The following ITPRID1 variants were observed in gnomAD, a reference collection of about 807,000 sequenced individuals.
The protein encoded by ITPRID1 is protein ITPRID1.
Under a neutral mutation model 95.4 loss-of-function variants are expected in ITPRID1, and 96 were observed. The observed-to-expected ratio is 1.01, with a 90% CI of 0.85 to 1.19. The LOEUF is 1.19. Ranked by LOEUF, ITPRID1 falls within the 50% of genes most tolerant of loss-of-function variation. The pLI is 0.00. For synonymous variants in ITPRID1, 510 were observed against 453.6 expected (o/e 1.12, Z -1.58); for missense variants, 1,339 against 1,252.9 (o/e 1.07, Z -1.04).
At position 31,578,279 on chromosome 7, in the gene ITPRID1, T is replaced by C. The variant is rs760836286; in HGVS notation, c.1015T>C (p.Cys339Arg). 6.2e-7 allele frequency: 1 copy of C among 1,613,908 alleles called. No individual in the cohort carries two copies. Among genetic ancestry groups the C allele is most frequent in the South Asian group, 1.1e-5 (1 of 91,080 alleles). ...TGGTCTTCTGAGCAAGCAGTGGCCT[T>C]GCTCATCTATGCCGGCCAAGCAGGC... ...PHGLLSKQWPCSSMPAKQAPP... is the reference protein window; with the variant it reads ...PHGLLSKQWPRSSMPAKQAPP... Residue 339 changes from cysteine (C) to arginine (R), a missense_variant, in exon 9 of 15, where the codon TGC becomes CGC. Physicochemically the swap from Cys to Arg is radical, Grantham distance 180. Coordinates refer to ENST00000615280, the MANE Select transcript of ITPRID1 (RefSeq NM_001257967.3).
chr7:31,548,696 T>C (rs1784181811), intron 1 of ITPRID1, among the ~76,000 whole-genome samples: 1 of 152,128 alleles, frequency 6.6e-6, no homozygotes, highest in South Asian at 2.1e-4. Flanking sequence ...CCTGTGGTCA[T>C]CCAGGGGAAG....
chr7:31,632,717 C>G (rs1489643264), intron 10 of ITPRID1, among the ~76,000 whole-genome samples: 2 of 152,080 alleles, frequency 1.3e-5, no homozygotes, highest in Non-Finnish European at 1.5e-5. Context: ...CCATGTTGGT[C>G]AGACCGTCAT....
rs565166465 is a variant in ITPRID1, at chr7:31,519,929, T to G, written c.-98+5809T>G. On this transcript the variant is annotated intron_variant, in intron 1 of 14. Transcript: ENST00000615280. ...TACATTATTATTAACTAAGTCCGCC[T>G]TTATTTAAACATTTTTAAGTTTTTA... 1.5e-3 allele frequency among the ~76,000 whole-genome samples: 227 copies of G among 152,076 alleles called. 1 individual carries two copies. Among genetic ancestry groups the G allele is most frequent in the Non-Finnish European group, 2.8e-3 (192 of 67,944 alleles).
chr7:31,559,541 C>G (rs550002227), intron 5 of ITPRID1, among the ~76,000 whole-genome samples: 222 of 152,096 alleles, frequency 1.5e-3, no homozygotes, highest in South Asian at 2.5e-3. Flanking sequence ...GGTGCACACC[C>G]GTAGTCCCAG....
intron 1 of ITPRID1, among the ~76,000 whole-genome samples, chr7:31,539,948 G>A (rs9690373): frequency 0.58 from 88,309 of 151,862 alleles, 26,772 homozygotes; most frequent in Middle Eastern, 0.71. Flanking sequence ...GTTATTTATG[G>A]TTTATGGTCA....
chr7:31,647,725 C>T (rs902599886), intron 12 of ITPRID1, among the ~76,000 whole-genome samples: 8 of 145,670 alleles, frequency 5.5e-5, no homozygotes, highest in Non-Finnish European at 9.0e-5. Context: ...ATGACGACAA[C>T]GACGACGACA....
At chr7:31,519,620 C>CTCTCTCTCTCTCTCTCTATATATATA in intron 1 of ITPRID1, among the ~76,000 whole-genome samples, 5 of 25,268 alleles carry the variant, frequency 2.0e-4, no homozygotes, top group East Asian at 3.0e-3. Context: ...CTCTCTCTCT[C>CTCTCTCTCTCTCTCTCTATATATATA]TATATATATA....
chr7:31,658,262 C>A (rs1363972884), downstream of ITPRID1: 1 of 1,493,484 alleles, frequency 6.7e-7, no homozygotes, highest in African/African-American at 1.4e-5. Flanking sequence ...AACACATATT[C>A]TCTTATAGGT....
At chr7:31,516,622 T>G (rs1261096236) in intron 1 of ITPRID1, among the ~76,000 whole-genome samples, 1 of 143,554 alleles carries the variant, frequency 7.0e-6, no homozygotes, top group African/African-American at 2.5e-5. Context: ...TGCCAAAGCT[T>G]ATAAACTTAA....
At chr7:31,606,693 C>G (rs1385957515) in intron 10 of ITPRID1, among the ~76,000 whole-genome samples, 1 of 152,004 alleles carries the variant, frequency 6.6e-6, no homozygotes, top group African/African-American at 2.4e-5. Context: ...ATTATATCAA[C>G]TGGAGTTTTC....
chr7:31,595,204 C>T (rs1342977107), intron 10 of ITPRID1, among the ~76,000 whole-genome samples: 1 of 151,486 alleles, frequency 6.6e-6, no homozygotes, highest in Non-Finnish European at 1.5e-5. Context: ...GCCACCACAC[C>T]CAGCTAATTT....
At chr7:31,636,098 C>G (rs894221977) in intron 10 of ITPRID1, among the ~76,000 whole-genome samples, 1 of 152,084 alleles carries the variant, frequency 6.6e-6, no homozygotes, top group Non-Finnish European at 1.5e-5. Flanking sequence ...ATAAAACCAT[C>G]AGATCTCATG....
At chr7:31,644,829 A>G (rs996566773) in intron 12 of ITPRID1, among the ~76,000 whole-genome samples, 1 of 152,228 alleles carries the variant, frequency 6.6e-6, no homozygotes, top group African/African-American at 2.4e-5. Context: ...GCTGGCACAG[A>G]GAATATAGGT....
chr7:31,639,111 T>C (rs1439363391), intron 10 of ITPRID1, among the ~76,000 whole-genome samples: 1 of 152,168 alleles, frequency 6.6e-6, no homozygotes, highest in Non-Finnish European at 1.5e-5. Flanking sequence ...GGTGTAGTTT[T>C]CTTCATGTTT....
chr7:31,555,225 C>G (rs1353941596), intron 5 of ITPRID1: 2 of 193,926 alleles, frequency 1.0e-5, no homozygotes, highest in Admixed American at 5.7e-5. Context: ...TTTCCCCATC[C>G]TGTATTATAC....
intron 6 of ITPRID1, among the ~76,000 whole-genome samples, chr7:31,570,331 C>T (rs1448265193): frequency 6.6e-6 from 1 of 152,150 alleles, no homozygotes; most frequent in Non-Finnish European, 1.5e-5. Flanking sequence ...CACCCTAGAC[C>T]TACTGAACCA....
intron 10 of ITPRID1, among the ~76,000 whole-genome samples, chr7:31,626,508 C>T (rs1042100863): frequency 2.0e-5 from 3 of 152,148 alleles, no homozygotes; most frequent in East Asian, 1.9e-4. Context: ...AGTATGCTTC[C>T]CTTTGCTGTC....
chr7:31,569,075 A>T (rs926574189), intron 5 of ITPRID1, among the ~76,000 whole-genome samples: 1 of 152,210 alleles, frequency 6.6e-6, no homozygotes, highest in Non-Finnish European at 1.5e-5. Flanking sequence ...AGTCAATGTT[A>T]TTGCTGCAAT....
intron 10 of ITPRID1, among the ~76,000 whole-genome samples, chr7:31,589,881 T>C (rs1330750592): frequency 6.6e-6 from 1 of 152,114 alleles, no homozygotes; most frequent in Non-Finnish European, 1.5e-5. Flanking sequence ...ATTTATAGCA[T>C]ACAGGGTGGG....
Sources: gnomAD v4.1 joint callset for allele counts (sites outside exome capture counted in the v4.1 genomes callset) on GRCh38, gnomAD v4.1.1 for gene constraint, MANE v1.5 for transcripts, NCBI Gene and HGNC (gene_info 2026-07-23, HGNC 2026-07-21) for gene names.